Variants in PTPRD observed in about 807,000 individuals in gnomAD.
PTPRD encodes the protein receptor-type tyrosine-protein phosphatase delta.
Under a neutral mutation model 214.5 loss-of-function variants are expected in PTPRD, and 34 were observed. That is an observed-to-expected ratio of 0.16 (90% CI 0.12 to 0.21). The LOEUF (loss-of-function observed/expected upper bound fraction) is 0.21. PTPRD is among the 10% of genes least tolerant of loss of function. The pLI is 1.00. For missense variants in PTPRD, 2,545 were observed against 2,398.7 expected (o/e 1.06, Z -1.27); for synonymous variants, 1,128 against 845.7 (o/e 1.33, Z -5.79).
rs1044874170 is a variant in PTPRD at position 8,688,578 on chromosome 9, A to C, written c.64+45202T>G. 7.9e-4 allele frequency among the ~76,000 whole-genome samples: 119 copies of C among 151,328 alleles called. 1 individual carries two copies. Among genetic ancestry groups the C allele is most frequent in the African/African-American group, 2.7e-3 (112 of 41,212 alleles). ...AGACTCTGTCTCAAAAAAAAAAAAAAAGAAAAAAATATATATAAGATGGTA... is the reference window on the plus strand; with the variant it reads ...AGACTCTGTCTCAAAAAAAAAAAAACAGAAAAAAATATATATAAGATGGTA... On this transcript the variant is annotated intron_variant, in intron 12 of 45. Transcript: ENST00000381196.
At chr9:9,770,392 CT>C (rs1418204943) in intron 5 of PTPRD, among the ~76,000 whole-genome samples, 1 of 152,050 alleles carries the variant, frequency 6.6e-6, no homozygotes, top group Admixed American at 6.6e-5. Context: ...TTTAATCTTA[CT>C]TTTTTTAAAA....
chr9:9,920,352 G>C (rs2082216102), intron 5 of PTPRD, among the ~76,000 whole-genome samples: 1 of 152,054 alleles, frequency 6.6e-6, no homozygotes, highest in South Asian at 2.1e-4. Flanking sequence ...AAAGGTAATT[G>C]ATCCTCTACT....
chr9:9,777,219 T>A (rs1484743511), intron 5 of PTPRD, among the ~76,000 whole-genome samples: 2 of 152,092 alleles, frequency 1.3e-5, no homozygotes, highest in African/African-American at 4.8e-5. Flanking sequence ...TTTAAAAACA[T>A]TCTAAGTCCA....
At chr9:9,095,536 C>G (rs1274072110) in intron 10 of PTPRD, among the ~76,000 whole-genome samples, 1 of 152,068 alleles carries the variant, frequency 6.6e-6, no homozygotes, top group African/African-American at 2.4e-5. Flanking sequence ...AGGAAGTCTC[C>G]TGGGACTTGT....
chr9:9,557,031 GATTC>G (rs1373460916), intron 8 of PTPRD, among the ~76,000 whole-genome samples: 1 of 152,156 alleles, frequency 6.6e-6, no homozygotes, highest in Non-Finnish European at 1.5e-5. Flanking sequence ...ACAGAATGCT[GATTC>G]ATTATTTTGA....
chr9:10,362,005 T>C (rs1423110389), intron 2 of PTPRD, among the ~76,000 whole-genome samples: 2 of 152,182 alleles, frequency 1.3e-5, no homozygotes, highest in Non-Finnish European at 2.9e-5. Context: ...AGCATTTTCA[T>C]GTTCATGTTT....
chr9:10,079,605 G>A (rs1249848454), intron 3 of PTPRD, among the ~76,000 whole-genome samples: 8 of 152,062 alleles, frequency 5.3e-5, no homozygotes, highest in African/African-American at 1.9e-4. Context: ...CTAATTCTAT[G>A]ATATTGAATT....
At chr9:9,197,478 T>G (rs2099939267) in intron 9 of PTPRD, among the ~76,000 whole-genome samples, 1 of 136,964 alleles carries the variant, frequency 7.3e-6, no homozygotes, top group South Asian at 2.1e-4. Context: ...TAGCGCAATC[T>G]TTGCTCACTG....
At chr9:9,363,112 T>C (rs993403287) in intron 9 of PTPRD, among the ~76,000 whole-genome samples, 6 of 1,188 alleles carry the variant, frequency 5.1e-3, no homozygotes, top group African/African-American at 0.014. Flanking sequence ...TATTTTGTGC[T>C]TTTTTTTTTT....
chr9:9,452,551 T>C (rs893847200), intron 8 of PTPRD, among the ~76,000 whole-genome samples: 2 of 151,170 alleles, frequency 1.3e-5, no homozygotes, highest in Non-Finnish European at 3.0e-5. Flanking sequence ...ACCACAGAAG[T>C]TGGCTTAACT....
At position 8,665,529 on chromosome 9, in the gene PTPRD, A is replaced by G. The variant is rs184531600; in HGVS notation, c.65-28685T>C. Among the ~76,000 whole-genome samples the G allele has an allele frequency of 1.1e-3, 163 of 152,346 alleles. 1 individual carries two copies. Among genetic ancestry groups the G allele is most frequent in the Non-Finnish European group, 1.9e-3 (128 of 68,038 alleles). On this transcript the variant is annotated intron_variant, in intron 12 of 45. Coordinates refer to ENST00000381196, the MANE Select transcript of PTPRD (RefSeq NM_002839.4). Reference sequence around the variant, plus strand: ...ATTAGAAAGAAAAGCTCAACTGTTAAGTCACTTACCCTAATTAAAGATCAA... The same window carrying G: ...ATTAGAAAGAAAAGCTCAACTGTTAGGTCACTTACCCTAATTAAAGATCAA...
intron 15 of PTPRD, chr9:8,528,290 T>C (rs749951888): frequency 6.2e-5 from 27 of 433,300 alleles, no homozygotes; most frequent in Non-Finnish European, 1.0e-4. Flanking sequence ...GAGGAGAAAA[T>C]GGATCCATCA....
chr9:9,955,459 T>A (rs2093821719), intron 4 of PTPRD, among the ~76,000 whole-genome samples: 1 of 152,162 alleles, frequency 6.6e-6, no homozygotes, highest in African/African-American at 2.4e-5. Context: ...GGTACCCAAC[T>A]TTACATTGGC....
intron 7 of PTPRD, among the ~76,000 whole-genome samples, chr9:9,648,231 A>G (rs1039869011): frequency 1.3e-5 from 2 of 152,004 alleles, no homozygotes; most frequent in Admixed American, 6.6e-5. Context: ...TAAAAAAAAA[A>G]CACTAAAGTG....
chr9:8,431,188 G>A (rs1441276204), intron 35 of PTPRD, among the ~76,000 whole-genome samples: 1 of 152,130 alleles, frequency 6.6e-6, no homozygotes, highest in Non-Finnish European at 1.5e-5. Flanking sequence ...TTGCTCTCTG[G>A]CATTTAAAAC....
At chr9:8,562,614 T>C (rs1037363798) in intron 14 of PTPRD, among the ~76,000 whole-genome samples, 1 of 152,054 alleles carries the variant, frequency 6.6e-6, no homozygotes, top group African/African-American at 2.4e-5. Context: ...TTTTTACATT[T>C]TTTGTAGATA....
chr9:9,242,257 T>C (rs945502550), intron 9 of PTPRD, among the ~76,000 whole-genome samples: 46 of 152,156 alleles, frequency 3.0e-4, no homozygotes, highest in Non-Finnish European at 5.3e-4. Flanking sequence ...ACCCGACCTT[T>C]CTCTCTGGCT....
At chr9:10,133,939 T>C (rs2098922722) in intron 3 of PTPRD, among the ~76,000 whole-genome samples, 1 of 152,160 alleles carries the variant, frequency 6.6e-6, no homozygotes, top group African/African-American at 2.4e-5. Flanking sequence ...ATGAGGGGTG[T>C]TGCTATATTA....
At chr9:10,269,162 C>G (rs1398429678) in intron 3 of PTPRD, among the ~76,000 whole-genome samples, 2 of 151,052 alleles carry the variant, frequency 1.3e-5, no homozygotes, top group Non-Finnish European at 2.9e-5. Flanking sequence ...CTTGAACATA[C>G]CAGATTAAAC....
Sources: allele counts gnomAD v4.1 joint callset (sites outside exome capture counted in the v4.1 genomes callset), GRCh38; gene constraint gnomAD v4.1.1; transcripts MANE v1.5; gene names NCBI Gene and HGNC (gene_info 2026-07-23, HGNC 2026-07-21).